DNAH14: variants seen among roughly 807,000 people sequenced by gnomAD.
The protein encoded by DNAH14 is dynein axonemal heavy chain 14.
In DNAH14, 478 loss-of-function variants were observed where a neutral mutation model predicts 520.9. That is an observed-to-expected ratio of 0.92 (90% confidence interval 0.85 to 0.99). The LOEUF is 0.99. Ranked by LOEUF, DNAH14 falls within the 50% of genes least tolerant of loss-of-function variation. The probability of loss-of-function intolerance (pLI) is 0.00; values close to 1 mark genes in which losing one functional copy is unlikely to be tolerated. For missense variants in DNAH14, 4,831 were observed against 5,234.5 expected, an observed-to-expected ratio of 0.92 and a Z score of 2.38; for synonymous variants, 1,581 against 1,757.2, an observed-to-expected ratio of 0.90 and a Z score of 2.51.
intron 10 of DNAH14, among the ~76,000 whole-genome samples, chr1:225,020,510 A>AC (rs2065592180): frequency 6.7e-6 from 1 of 149,138 alleles, no homozygotes; most frequent in African/African-American, 2.5e-5. Flanking sequence ...AAAAAAAAAA[A>AC]AAAAAACAAC....
At chr1:225,060,588 C>T (rs112765000) in intron 17 of DNAH14, among the ~76,000 whole-genome samples, 8,375 of 152,046 alleles carry the variant, frequency 0.055, 472 homozygotes, top group East Asian at 0.24. Context: ...AGGCAAGGCA[C>T]TCTGATTTTT....
chr1:225,100,820 C>T lies in DNAH14; in HGVS notation c.3803C>T (p.Ala1268Val). The change falls in exon 23 of 86, where the codon GCA (alanine) becomes GTA (valine). Residue 1268 changes from alanine to valine, a missense_variant. Transcript: ENST00000682510. ...KQNALQITTS[A>V]GVLEILQNCN... is the part of the protein sequence containing the mutation. ...AATGCTTTGCAGATAACCACTTCTG[C>T]AGGAGTCCTTGAAATTCTGCAAAAT... 2.0e-6 allele frequency: 3 copies of T among 1,534,492 alleles called. No homozygotes were observed. The highest frequency in any genetic ancestry group is 2.6e-6 in the Non-Finnish European group (3 of 1,142,344).
Position 225,381,539 on chromosome 1 carries a change from T to TG in DNAH14, c.13037_13038insG (p.Phe4346LeufsTer2). ...CTCACCCAAGAATTGGAGGAAATAT[T>TG]TAACTCTTTTCTTAATATGAGAGTG... is the stretch of plus-strand genomic sequence containing the variant. On this transcript the variant is annotated frameshift_variant, in exon 81 of 86. Transcript: ENST00000682510. LOFTEE classifies it high-confidence loss of function. 5.2e-6 allele frequency: 8 copies of TG among 1,541,308 alleles called. No individual in the cohort carries two copies. Among genetic ancestry groups the TG allele is most frequent in the Non-Finnish European group, 7.0e-6 (8 of 1,143,970 alleles).
intron 23 of DNAH14, among the ~76,000 whole-genome samples, chr1:225,105,010 C>T (rs1461639943): frequency 6.6e-6 from 1 of 152,158 alleles, no homozygotes; most frequent in Non-Finnish European, 1.5e-5. Flanking sequence ...CCTGCTTTCT[C>T]TTGTGGGCAT....
At chr1:225,241,515 TG>T (rs1277433852) in intron 43 of DNAH14, among the ~76,000 whole-genome samples, 7 of 152,190 alleles carry the variant, frequency 4.6e-5, no homozygotes, top group Non-Finnish European at 1.0e-4. Context: ...GGATGTGTTC[TG>T]AGAAATGTGC....
At chr1:224,955,958 A>G (rs947071191) in intron 3 of DNAH14, among the ~76,000 whole-genome samples, 1 of 151,960 alleles carries the variant, frequency 6.6e-6, no homozygotes, top group Non-Finnish European at 1.5e-5. Context: ...CCTTCATTCT[A>G]CCGATAAGAC....
intron 18 of DNAH14, 124 bp downstream of exon 18, chr1:225,079,672 C>CTTTTTT (rs58242386): frequency 1.5e-4 from 50 of 326,576 alleles, no homozygotes; most frequent in Non-Finnish European, 1.8e-4. Flanking sequence ...TACAAGTATT[C>CTTTTTT]TTTTTTTTTT....
intron 9 of DNAH14, 75 bp downstream of exon 9, chr1:225,003,002 A>G: frequency 8.0e-7 from 1 of 1,244,310 alleles, no homozygotes. Flanking sequence ...TTTGAATTAA[A>G]AAATACAGAT....
At chr1:225,026,521 C>A (rs1009471606) in intron 11 of DNAH14, among the ~76,000 whole-genome samples, 1 of 152,110 alleles carries the variant, frequency 6.6e-6, no homozygotes, top group East Asian at 1.9e-4. Context: ...AACACTATTT[C>A]TTTCTCTATT....
chr1:225,149,898 C>T (rs765874164), intron 31 of DNAH14, among the ~76,000 whole-genome samples: 2 of 152,294 alleles, frequency 1.3e-5, no homozygotes, highest in East Asian at 3.9e-4. Context: ...TAATTTCTTT[C>T]TCTTGCCTGA....
intron 74 of DNAH14, among the ~76,000 whole-genome samples, chr1:225,359,488 T>TAAAATATTTTCTCCCAAGC (rs996805599): frequency 6.6e-6 from 1 of 152,256 alleles, no homozygotes; most frequent in African/African-American, 2.4e-5. Flanking sequence ...AGATCCGAAG[T>TAAAATATTTTCTCCCAAGC]AAAATATTTT....
chr1:225,172,458 A>T (rs554261467), intron 36 of DNAH14, among the ~76,000 whole-genome samples: 1 of 152,192 alleles, frequency 6.6e-6, no homozygotes, highest in African/African-American at 2.4e-5. Context: ...AAGCATTCTT[A>T]TACACCAATA....
intron 83 of DNAH14, among the ~76,000 whole-genome samples, chr1:225,390,254 C>T (rs2095890721): frequency 6.6e-6 from 1 of 152,196 alleles, no homozygotes; most frequent in Non-Finnish European, 1.5e-5. Flanking sequence ...GCCATTCATT[C>T]ATTTATTTCT....
chr1:225,394,011 G>A (rs1373177810), intron 84 of DNAH14, among the ~76,000 whole-genome samples: 3 of 151,854 alleles, frequency 2.0e-5, no homozygotes, highest in Non-Finnish European at 4.4e-5. Flanking sequence ...TAGTAGAGAC[G>A]GGGTTTCACC....
At chr1:225,029,463 G>C (rs944930982) in intron 11 of DNAH14, among the ~76,000 whole-genome samples, 3 of 151,960 alleles carry the variant, frequency 2.0e-5, no homozygotes, top group African/African-American at 4.8e-5. Flanking sequence ...TAAAAATAAA[G>C]TATTATTTAT....
At chr1:224,938,385 G>C (rs2059178964) in intron 1 of DNAH14, among the ~76,000 whole-genome samples, 1 of 152,128 alleles carries the variant, frequency 6.6e-6, no homozygotes, top group African/African-American at 2.4e-5. Flanking sequence ...CAAAAGATAT[G>C]AACAGACATT....
chr1:225,183,684 CAA>C lies in DNAH14; in HGVS notation c.5536-1594_5536-1593del, dbSNP rs35980443. On this transcript the variant is annotated intron_variant, in intron 36 of 85. Coordinates refer to ENST00000682510, the MANE Select transcript of DNAH14 (RefSeq NM_001367479.1). ...ATCAATAGACCACTAGGTAGATTAA[CAA>C]AAAAAAAAAAAAGGAAGATCCAAGT... is the stretch of plus-strand genomic sequence containing the variant. 3.0e-4 allele frequency among the ~76,000 whole-genome samples: 29 copies of C among 96,064 alleles called. No homozygotes were observed. In the South Asian group the frequency reaches 4.3e-3, roughly 14 times the overall value. 63.0% of individuals were successfully genotyped at this position (96,064 alleles called of 152,430 possible). A position where few individuals can be genotyped will look rare whatever the true frequency, so the allele number is the denominator to read the frequency against.
At chr1:225,078,886 CT>C (rs2072749587) in intron 17 of DNAH14, among the ~76,000 whole-genome samples, 2 of 135,082 alleles carry the variant, frequency 1.5e-5, no homozygotes, top group South Asian at 2.5e-4. Flanking sequence ...CTCTCTCTCT[CT>C]CTCTCTCTCT....
At chr1:225,085,417 C>T (rs1287979655) in intron 20 of DNAH14, 127 bp from the exon 21 acceptor site, 1 of 862,352 alleles carries the variant, frequency 1.2e-6, no homozygotes, top group Admixed American at 2.9e-5. Flanking sequence ...AGGATATAAA[C>T]CTAACTGGAA....
Sources: allele counts gnomAD v4.1 joint callset (sites outside exome capture counted in the v4.1 genomes callset), GRCh38; gene constraint gnomAD v4.1.1; transcripts MANE v1.5; gene names NCBI Gene and HGNC (gene_info 2026-07-23, HGNC 2026-07-21).